Variants in GALNTL6 observed in about 807,000 individuals in gnomAD.
GALNTL6 encodes the protein polypeptide N-acetylgalactosaminyltransferase-like 6.
In GALNTL6, 46 loss-of-function variants were observed where a neutral mutation model predicts 73.7. That is an observed-to-expected ratio of 0.62 (90% CI 0.49 to 0.80). The LOEUF is 0.80. GALNTL6 is among the 30% of genes least tolerant of loss of function. The pLI is 0.00. For synonymous variants in GALNTL6, 259 were observed against 263.7 expected, an observed-to-expected ratio of 0.98 and a Z score of 0.17; for missense variants, 604 against 755.0, an observed-to-expected ratio of 0.80 and a Z score of 2.34.
intron 2 of GALNTL6, among the ~76,000 whole-genome samples, chr4:171,981,556 G>A (rs1275599479): frequency 6.6e-6 from 1 of 152,166 alleles, no homozygotes; most frequent in Non-Finnish European, 1.5e-5. Flanking sequence ...GAATAAAATA[G>A]GAAGCAGATT....
chr4:172,864,365 T>C (rs763240449), intron 7 of GALNTL6, among the ~76,000 whole-genome samples: 16 of 152,198 alleles, frequency 1.1e-4, no homozygotes, highest in Non-Finnish European at 2.4e-4. Flanking sequence ...GAATCATAAA[T>C]AAGTAGAATG....
chr4:171,929,795 C>A (rs1738117088), intron 2 of GALNTL6, among the ~76,000 whole-genome samples: 1 of 152,200 alleles, frequency 6.6e-6, no homozygotes, highest in African/African-American at 2.4e-5. Context: ...CACCCAGTCC[C>A]ATGGTGCCTG....
intron 10 of GALNTL6, among the ~76,000 whole-genome samples, chr4:172,998,335 A>G (rs566728290): frequency 6.6e-6 from 1 of 152,338 alleles, no homozygotes; most frequent in Admixed American, 6.5e-5. Flanking sequence ...AGTATGTTGC[A>G]TTTATATGCT....
chr4:172,338,030 T>G (rs1432991430), intron 4 of GALNTL6, among the ~76,000 whole-genome samples: 1 of 152,186 alleles, frequency 6.6e-6, no homozygotes, highest in African/African-American at 2.4e-5. Flanking sequence ...ATCTTTGAGC[T>G]CTAAAATTCT....
At chr4:172,343,323 A>G (rs940600518) in intron 4 of GALNTL6, among the ~76,000 whole-genome samples, 3 of 152,212 alleles carry the variant, frequency 2.0e-5, no homozygotes, top group African/African-American at 7.2e-5. Context: ...AGCGAGAAGT[A>G]ATGTTTAAGT....
intron 5 of GALNTL6, among the ~76,000 whole-genome samples, chr4:172,637,312 G>A (rs1739743281): frequency 6.6e-6 from 1 of 151,980 alleles, no homozygotes; most frequent in Non-Finnish European, 1.5e-5. Context: ...AATATTTAAG[G>A]CATTATTTAT....
chr4:171,821,638 CGGATATATATAT>C lies in GALNTL6; in HGVS notation c.138+6921_138+6932del, dbSNP rs1353440960. Among the ~76,000 whole-genome samples the C allele has an allele frequency of 3.9e-4, 13 of 33,406 alleles. No individual in the cohort carries two copies. In the East Asian group the frequency reaches 9.0e-3, roughly 23 times the overall value. 21.9% of individuals were successfully genotyped at this position (33,406 alleles called of 152,430 possible). Reference sequence around the variant, plus strand: ...TTTAACAGTATATAACAAGGCTTAACGGATATATATATATATATATATATATATAGTTATTAC... The same window carrying C: ...TTTAACAGTATATAACAAGGCTTAACATATATATATATATATAGTTATTAC... On this transcript the variant is annotated intron_variant, in intron 2 of 12. Coordinates refer to ENST00000506823, the MANE Select transcript of GALNTL6 (RefSeq NM_001034845.3).
chr4:172,571,812 G>A (rs1405158119), intron 5 of GALNTL6, among the ~76,000 whole-genome samples: 6 of 152,124 alleles, frequency 3.9e-5, no homozygotes, highest in Non-Finnish European at 8.8e-5. Context: ...ATGTTTTCAT[G>A]GCCTATTTCT....
intron 5 of GALNTL6, among the ~76,000 whole-genome samples, chr4:172,698,749 G>C (rs1241537647): frequency 6.6e-6 from 1 of 152,076 alleles, no homozygotes. Flanking sequence ...GTATCCTCCT[G>C]CTCCTCCCCA....
intron 9 of GALNTL6, among the ~76,000 whole-genome samples, chr4:172,932,171 A>C (rs1748375738): frequency 6.6e-6 from 1 of 152,250 alleles, no homozygotes; most frequent in South Asian, 2.1e-4. Flanking sequence ...TTGTAAAAAT[A>C]AATAAACGAA....
chr4:172,348,748 G>A, intron 5 of GALNTL6, 59 bp downstream of exon 5: 2 of 1,176,322 alleles, frequency 1.7e-6, no homozygotes, highest in South Asian at 3.8e-5. Flanking sequence ...AATCATTAAG[G>A]ACTTTTTAAA....
intron 10 of GALNTL6, among the ~76,000 whole-genome samples, chr4:172,956,569 A>G (rs1199535521): frequency 2.0e-5 from 3 of 152,172 alleles, no homozygotes; most frequent in Non-Finnish European, 4.4e-5. Context: ...TTCTGAGAAC[A>G]GTGAATAGGA....
In GALNTL6 at chr4:172,479,458, A is replaced by G. The variant is rs184502637; in HGVS notation, c.553+130769A>G. Among the ~76,000 whole-genome samples, 316 of 152,348 alleles carry G rather than the reference A, an allele frequency of 2.1e-3. 1 individual carries two copies. Among genetic ancestry groups the G allele is most frequent in the Middle Eastern group, 0.017 (5 of 294 alleles). On this transcript the variant is annotated intron_variant, in intron 5 of 12. Transcript: ENST00000506823. The stretch of plus-strand genomic sequence containing the variant: ...TGGAGGAGGTTTTCCTAAGTGAAGT[A>G]ACCAGAAACAGAATGTTCTCACTTG...
chr4:172,550,682 C>T (rs774590789), intron 5 of GALNTL6, among the ~76,000 whole-genome samples: 5 of 152,168 alleles, frequency 3.3e-5, no homozygotes, highest in Non-Finnish European at 7.3e-5. Flanking sequence ...ACTGCAGCCT[C>T]AAACTCCTGG....
At chr4:172,329,703 C>T (rs1435658023) in intron 4 of GALNTL6, among the ~76,000 whole-genome samples, 1 of 152,148 alleles carries the variant, frequency 6.6e-6, no homozygotes, top group African/African-American at 2.4e-5. Flanking sequence ...CCCTAGTCAC[C>T]TCAGACCCCC....
At chr4:171,830,020 T>A (rs188596591) in intron 2 of GALNTL6, among the ~76,000 whole-genome samples, 53 of 151,766 alleles carry the variant, frequency 3.5e-4, no homozygotes, top group Non-Finnish European at 5.4e-4. Flanking sequence ...ACAGACAGAA[T>A]ATGTAGATGA....
At chr4:172,235,266 G>GGT (rs1272737198) in intron 3 of GALNTL6, among the ~76,000 whole-genome samples, 1 of 151,968 alleles carries the variant, frequency 6.6e-6, no homozygotes, top group Non-Finnish European at 1.5e-5. Flanking sequence ...GGAGTGCAGT[G>GGT]GTGTGATCTC....
chr4:171,831,338 G>A (rs183586708), intron 2 of GALNTL6, among the ~76,000 whole-genome samples: 1 of 152,038 alleles, frequency 6.6e-6, no homozygotes, highest in Non-Finnish European at 1.5e-5. Context: ...TTTGGTAGAG[G>A]CATATTAAAT....
chr4:171,866,022 T>C (rs1735961663), intron 2 of GALNTL6, among the ~76,000 whole-genome samples: 1 of 152,154 alleles, frequency 6.6e-6, no homozygotes, highest in African/African-American at 2.4e-5. Context: ...AAAGGCTGTT[T>C]TCCCAAACTC....
Sources: allele counts gnomAD v4.1 joint callset (sites outside exome capture counted in the v4.1 genomes callset), GRCh38; gene constraint gnomAD v4.1.1; transcripts MANE v1.5; gene names NCBI Gene and HGNC (gene_info 2026-07-23, HGNC 2026-07-21).